The following SLC39A11 variants were observed in gnomAD, a reference collection of about 807,000 sequenced individuals.
SLC39A11 encodes the protein solute carrier family 39 member 11, also known as zinc transporter ZIP11.
Under a neutral mutation model 36.1 loss-of-function variants are expected in SLC39A11, and 33 were observed. The observed-to-expected ratio is 0.91, with a 90% CI of 0.69 to 1.22. The LOEUF (loss-of-function observed/expected upper bound fraction) is 1.22. Among genes scored for constraint, SLC39A11 ranks in the 50% most tolerant of loss-of-function variants. The pLI, the probability that SLC39A11 is intolerant of heterozygous loss-of-function variation, is 0.00. For synonymous variants in SLC39A11, 166 were observed against 170.3 expected (o/e 0.97, Z 0.20); for missense variants, 432 against 430.3 (o/e 1.00, Z -0.03).
intron 7 of SLC39A11, among the ~76,000 whole-genome samples, chr17:72,667,957 C>T (rs1253011564): frequency 1.3e-5 from 2 of 152,236 alleles, no homozygotes; most frequent in African/African-American, 2.4e-5. Flanking sequence ...GACTCCAGAG[C>T]TCAAGGGCTT....
chr17:72,787,795 C>T (rs916761632), intron 6 of SLC39A11, among the ~76,000 whole-genome samples: 4 of 152,182 alleles, frequency 2.6e-5, no homozygotes, highest in African/African-American at 9.7e-5. Flanking sequence ...ACCCCAAAGC[C>T]TCATTCTGAT....
rs113680840 is a variant in SLC39A11 at position 72,807,816 on chromosome 17, T to C, written c.601+41818A>G. Among the ~76,000 whole-genome samples, 1,467 of 152,266 alleles carry C rather than the reference T, an allele frequency of 9.6e-3. 20 individuals are homozygous for C. Among genetic ancestry groups the C allele is most frequent in the African/African-American group, 0.033 (1,386 of 41,540 alleles). ...TGGTTTTCTTGAGTTCTGTGAGCCA[T>C]TCTAGGAAATAACTGAACCCGACGA... is the stretch of plus-strand genomic sequence containing the variant. On this transcript the variant is annotated intron_variant, in intron 6 of 9. Coordinates refer to ENST00000255559, the MANE Select transcript of SLC39A11 (RefSeq NM_139177.4).
At chr17:72,829,382 G>A (rs1427782603) in intron 6 of SLC39A11, among the ~76,000 whole-genome samples, 1 of 151,850 alleles carries the variant, frequency 6.6e-6, no homozygotes, top group African/African-American at 2.4e-5. Context: ...ACAAAGCAGT[G>A]GGGCTGGAAA....
At chr17:72,677,510 T>C (rs746852092) in intron 7 of SLC39A11, among the ~76,000 whole-genome samples, 55 of 152,204 alleles carry the variant, frequency 3.6e-4, no homozygotes, top group Non-Finnish European at 7.1e-4. Context: ...ATCTGTAACC[T>C]GAACTGAGCA....
chr17:72,880,245 G>A (rs768394684), intron 5 of SLC39A11, among the ~76,000 whole-genome samples: 14 of 152,160 alleles, frequency 9.2e-5, no homozygotes, highest in Non-Finnish European at 1.3e-4. Flanking sequence ...AGCAAAGTAC[G>A]CCCCACTCTT....
At chr17:72,698,894 G>A (rs2072453166) in intron 7 of SLC39A11, among the ~76,000 whole-genome samples, 1 of 152,094 alleles carries the variant, frequency 6.6e-6, no homozygotes, top group Admixed American at 6.5e-5. Flanking sequence ...GCAGTGGCGT[G>A]ATCTCGGCTC....
At chr17:72,919,588 C>T (rs954801481) in intron 5 of SLC39A11, among the ~76,000 whole-genome samples, 1 of 147,378 alleles carries the variant, frequency 6.8e-6, no homozygotes, top group African/African-American at 2.5e-5. Flanking sequence ...AGGAGAATGG[C>T]GAGAACCCGG....
intron 3 of SLC39A11, among the ~76,000 whole-genome samples, chr17:73,071,200 CTCTGCTAGACTACAGATGCTAGCGACTG>C (rs1177866068): frequency 2.6e-5 from 4 of 152,248 alleles, no homozygotes; most frequent in Non-Finnish European, 5.9e-5. Context: ...AGTTAGCTTA[CTCTGCTAGACTACAGATGCTAGCGACTG>C]TTACAAATTT....
In SLC39A11 at chr17:72,947,809, A is replaced by G. The variant is rs1568001679; in HGVS notation, c.373T>C (p.Ser125Pro). The G allele has an allele frequency of 6.2e-7, 1 of 1,614,052 alleles. No homozygotes were observed. Among genetic ancestry groups the G allele is most frequent in the South Asian group, 1.1e-5 (1 of 91,090 alleles). ...NFGSTLMKKK[S>P]DPEGPALLFP... is the part of the protein sequence containing the mutation. Reference sequence around the variant, plus strand: ...AGCAGCGCGGGACCCTCAGGATCAGACTTCTTCTTCATCAACGTAGAGCCG... The same window carrying G: ...AGCAGCGCGGGACCCTCAGGATCAGGCTTCTTCTTCATCAACGTAGAGCCG... Residue 125 changes from serine to proline, a missense_variant, in exon 5 of 10, where the codon TCT becomes CCT. By Grantham distance (74) the Ser-to-Pro change is moderately conservative. Coordinates refer to ENST00000255559, the MANE Select transcript of SLC39A11 (RefSeq NM_139177.4).
intron 4 of SLC39A11, among the ~76,000 whole-genome samples, chr17:72,984,213 C>T (rs12952802): frequency 0.52 from 78,427 of 151,788 alleles, 21,197 homozygotes; most frequent in Middle Eastern, 0.69. Flanking sequence ...TGAAGCAGAA[C>T]GGCCTTGAAA....
intron 3 of SLC39A11, among the ~76,000 whole-genome samples, chr17:73,049,108 C>T (rs1286726925): frequency 2.0e-5 from 3 of 152,218 alleles, no homozygotes; most frequent in East Asian, 3.8e-4. Flanking sequence ...AAGAACTGTG[C>T]CACCCAACTG....
At chr17:72,873,873 G>C (rs192127988) in intron 5 of SLC39A11, among the ~76,000 whole-genome samples, 1 of 152,110 alleles carries the variant, frequency 6.6e-6, no homozygotes, top group African/African-American at 2.4e-5. Flanking sequence ...CTGAATCATG[G>C]GGGCAGTTTC....
At chr17:72,884,543 C>T (rs185948554) in intron 5 of SLC39A11, among the ~76,000 whole-genome samples, 27 of 152,304 alleles carry the variant, frequency 1.8e-4, no homozygotes, top group African/African-American at 5.3e-4. Flanking sequence ...AATTTACCTG[C>T]GCTGTGTCTC....
rs765931795 is a variant in SLC39A11, at chr17:72,890,105, C to CA, written c.431-40302dup. On this transcript the variant is annotated intron_variant, in intron 5 of 9. Coordinates refer to ENST00000255559, the MANE Select transcript of SLC39A11 (RefSeq NM_139177.4). ...TGAAACCTGGTCTCCACTAAAAATACAAAAAAAAAATTAGCTGGGCATGGT... is the reference window on the plus strand; with the variant it reads ...TGAAACCTGGTCTCCACTAAAAATACAAAAAAAAAAATTAGCTGGGCATGGT... Among the ~76,000 whole-genome samples, 386 of 147,298 alleles carry CA rather than the reference C, an allele frequency of 2.6e-3. 1 individual carries two copies. Among genetic ancestry groups the CA allele is most frequent in the African/African-American group, 8.4e-3 (338 of 40,280 alleles).
intron 5 of SLC39A11, among the ~76,000 whole-genome samples, chr17:72,888,326 C>G (rs572005940): frequency 1.2e-3 from 177 of 152,234 alleles, no homozygotes; most frequent in Non-Finnish European, 2.2e-3. Context: ...AACAAACATA[C>G]AGAACTTTCA....
Position 72,849,760 on chromosome 17 carries a change from C to G in SLC39A11, c.475G>C (p.Ala159Pro), listed in dbSNP as rs763180972. 2.5e-6 allele frequency: 4 copies of G among 1,601,104 alleles called. No homozygotes were observed. Among genetic ancestry groups the G allele is most frequent in the Non-Finnish European group, 2.6e-6 (3 of 1,176,062 alleles). The change falls in exon 6 of 10, where the codon GCC becomes CCC. Residue 159 changes from alanine to proline, a missense_variant. Physicochemically the swap from Ala to Pro is conservative, Grantham distance 27. Coordinates refer to ENST00000255559, the MANE Select transcript of SLC39A11 (RefSeq NM_139177.4). ...GEAYQRKKAA[A>P]TGLPEGPAVP... ...GCAGGACCCTCTGGAAGGCCAGTGGCTGCCGCCTTCTTTCTCTGATATGCC... is the reference window on the plus strand; with the variant it reads ...GCAGGACCCTCTGGAAGGCCAGTGGGTGCCGCCTTCTTTCTCTGATATGCC...
At chr17:73,025,501 A>T (rs1403821698) in intron 4 of SLC39A11, among the ~76,000 whole-genome samples, 3 of 152,252 alleles carry the variant, frequency 2.0e-5, no homozygotes, top group African/African-American at 7.2e-5. Context: ...TAACTACTCA[A>T]CCACGGAGAG....
intron 6 of SLC39A11, among the ~76,000 whole-genome samples, chr17:72,846,366 T>C (rs536059631): frequency 1.3e-4 from 20 of 149,860 alleles, no homozygotes; most frequent in African/African-American, 4.9e-4. Context: ...TGCATCACCA[T>C]AGAAGTGACA....
chr17:72,934,684 A>C (rs536913462), intron 5 of SLC39A11, among the ~76,000 whole-genome samples: 2 of 152,256 alleles, frequency 1.3e-5, no homozygotes, highest in Middle Eastern at 3.4e-3. Context: ...AAGCCTCTCA[A>C]AACTCTACCA....
Sources: gnomAD v4.1 joint callset for allele counts (sites outside exome capture counted in the v4.1 genomes callset) on GRCh38, gnomAD v4.1.1 for gene constraint, MANE v1.5 for transcripts, NCBI Gene and HGNC (gene_info 2026-07-23, HGNC 2026-07-21) for gene names.